Variants in ATRNL1 observed in about 807,000 individuals in gnomAD.
ATRNL1 encodes attractin-like protein 1.
In ATRNL1, 95 loss-of-function variants were observed where a neutral mutation model predicts 182.7. That is an observed-to-expected ratio of 0.52 (90% CI 0.44 to 0.62). ATRNL1 has a LOEUF of 0.62. Ranked by LOEUF, ATRNL1 falls within the 20% of genes least tolerant of loss-of-function variation. ATRNL1 has a pLI of 0.00. For missense variants in ATRNL1, 1,471 were observed against 1,679.5 expected, an observed-to-expected ratio of 0.88 and a Z score of 2.17; for synonymous variants, 576 against 568.3, an observed-to-expected ratio of 1.01 and a Z score of -0.19.
At chr10:115,895,537 T>C (rs1473283097) in intron 28 of ATRNL1, among the ~76,000 whole-genome samples, 2 of 152,214 alleles carry the variant, frequency 1.3e-5, no homozygotes, top group African/African-American at 4.8e-5. Context: ...GTGAAACATC[T>C]TCTGCCTGTC....
At chr10:115,685,696 A>G (rs2133960364) in intron 26 of ATRNL1, among the ~76,000 whole-genome samples, 1 of 152,050 alleles carries the variant, frequency 6.6e-6, no homozygotes, top group South Asian at 2.1e-4. Context: ...TATTTGCTAC[A>G]ATAGATTGAA....
intron 11 of ATRNL1, 139 bp downstream of exon 11, chr10:115,265,416 G>T: frequency 6.1e-6 from 3 of 494,032 alleles, no homozygotes; most frequent in Non-Finnish European, 1.1e-5. Flanking sequence ...ACCATAGAAT[G>T]CATTTTGATT....
chr10:115,279,829 C>T (rs1852276546), intron 13 of ATRNL1, among the ~76,000 whole-genome samples: 1 of 152,124 alleles, frequency 6.6e-6, no homozygotes, highest in African/African-American at 2.4e-5. Flanking sequence ...GTTAAAATCC[C>T]TATTCAACAT....
intron 8 of ATRNL1, among the ~76,000 whole-genome samples, chr10:115,196,221 G>T (rs1248535613): frequency 2.6e-5 from 4 of 152,046 alleles, no homozygotes; most frequent in African/African-American, 9.7e-5. Flanking sequence ...TTTTTCCATT[G>T]AATTACCATG....
At chr10:115,156,027 A>ATT (rs1846499509) in intron 5 of ATRNL1, among the ~76,000 whole-genome samples, 2 of 152,050 alleles carry the variant, frequency 1.3e-5, no homozygotes, top group East Asian at 3.9e-4. Context: ...CTAGAGTAAG[A>ATT]TCTTGATGTG....
chr10:115,573,497 G>A (rs1320894206), intron 26 of ATRNL1, among the ~76,000 whole-genome samples: 3 of 152,054 alleles, frequency 2.0e-5, no homozygotes, highest in African/African-American at 7.2e-5. Flanking sequence ...CCAAAAGGCA[G>A]CTTTGGGGCA....
intron 21 of ATRNL1, among the ~76,000 whole-genome samples, chr10:115,446,420 G>T (rs2134465329): frequency 6.6e-6 from 1 of 151,598 alleles, no homozygotes; most frequent in South Asian, 2.1e-4. Context: ...GTAATCTTTG[G>T]TGTTATTATC....
At chr10:115,943,224 T>A (rs1403069042) in intron 28 of ATRNL1, among the ~76,000 whole-genome samples, 1 of 152,098 alleles carries the variant, frequency 6.6e-6, no homozygotes, top group Non-Finnish European at 1.5e-5. Flanking sequence ...TTTATGAGAA[T>A]GAAAAGTCAA....
intron 27 of ATRNL1, among the ~76,000 whole-genome samples, chr10:115,804,592 G>A (rs1555085212): frequency 6.6e-6 from 1 of 152,100 alleles, no homozygotes; most frequent in Non-Finnish European, 1.5e-5. Context: ...CTAAAACTGT[G>A]AAAAATAAAC....
At chr10:115,880,850 G>A (rs1055196803) in intron 28 of ATRNL1, among the ~76,000 whole-genome samples, 16 of 152,304 alleles carry the variant, frequency 1.1e-4, no homozygotes, top group Admixed American at 4.6e-4. Context: ...GGTTTGAAAG[G>A]ACTGCTTTAG....
chr10:115,852,744 G>A (rs1951086481), intron 28 of ATRNL1, among the ~76,000 whole-genome samples: 1 of 152,158 alleles, frequency 6.6e-6, no homozygotes, highest in Non-Finnish European at 1.5e-5. Context: ...CCAGAGTCAA[G>A]GAGGAAGGAC....
chr10:115,304,776 A>T (rs1554925674), intron 17 of ATRNL1, among the ~76,000 whole-genome samples: 1 of 152,094 alleles, frequency 6.6e-6, no homozygotes, highest in Non-Finnish European at 1.5e-5. Context: ...TGGGGCGGCC[A>T]TATTCCCAAA....
chr10:115,358,114 C>T (rs1856582582), intron 19 of ATRNL1, among the ~76,000 whole-genome samples: 1 of 151,584 alleles, frequency 6.6e-6, no homozygotes, highest in African/African-American at 2.4e-5. Flanking sequence ...TTAGATGTTA[C>T]AGATTACCTG....
chr10:115,178,490 T>C lies in ATRNL1; in HGVS notation c.1348+7198T>C, dbSNP rs949987087. Among the ~76,000 whole-genome samples, 6 of 152,290 alleles carry C rather than the reference T, an allele frequency of 3.9e-5. No homozygotes were observed. The East Asian group carries it at 1.2e-3, about 29-fold the overall frequency. ...TTTTCATTTTCTGGAAGTAGTTTTA[T>C]TTTCCTCTAAGCTCCTGTGTCCTTT... On this transcript the variant is annotated intron_variant, in intron 8 of 28. Coordinates refer to ENST00000355044, the MANE Select transcript of ATRNL1 (RefSeq NM_207303.4).
intron 27 of ATRNL1, among the ~76,000 whole-genome samples, chr10:115,837,947 G>A (rs1950717730): frequency 6.6e-6 from 1 of 152,184 alleles, no homozygotes; most frequent in Non-Finnish European, 1.5e-5. Flanking sequence ...GCATTTGCAA[G>A]TGATTCTACC....
intron 27 of ATRNL1, among the ~76,000 whole-genome samples, chr10:115,777,423 A>G (rs187064764): frequency 6.6e-6 from 1 of 152,214 alleles, no homozygotes; most frequent in Admixed American, 6.5e-5. Flanking sequence ...TATTTTACCA[A>G]TTTTGACTTT....
chr10:115,536,469 G>A (rs974810120), intron 25 of ATRNL1, among the ~76,000 whole-genome samples: 2 of 152,138 alleles, frequency 1.3e-5, no homozygotes, highest in Admixed American at 6.5e-5. Context: ...TCGGAAATGC[G>A]CAGTATTGGG....
chr10:115,476,905 A>G (rs1050472643), intron 24 of ATRNL1, among the ~76,000 whole-genome samples: 1 of 151,356 alleles, frequency 6.6e-6, no homozygotes, highest in African/African-American at 2.4e-5. Flanking sequence ...TGCTTCACTT[A>G]TTTATCCATT....
chr10:115,557,600 C>A (rs1391299114), intron 26 of ATRNL1, among the ~76,000 whole-genome samples: 3 of 152,140 alleles, frequency 2.0e-5, no homozygotes, highest in Non-Finnish European at 4.4e-5. Context: ...CTGACCCCAA[C>A]AACAGCAATT....
Sources: gnomAD v4.1 joint callset for allele counts (sites outside exome capture counted in the v4.1 genomes callset) on GRCh38, gnomAD v4.1.1 for gene constraint, MANE v1.5 for transcripts, NCBI Gene and HGNC (gene_info 2026-07-23, HGNC 2026-07-21) for gene names.